Variants in MASP1 observed in about 807,000 individuals in gnomAD.
MASP1 encodes mannan-binding lectin serine protease 1.
Under a neutral mutation model 77.1 loss-of-function variants are expected in MASP1, and 59 were observed. The ratio of observed to expected loss-of-function variants is 0.77; its 90% CI spans 0.62 to 0.95. The LOEUF is 0.95. Among genes scored for constraint, MASP1 ranks in the 40% least tolerant of loss-of-function variants. The probability of loss-of-function intolerance (pLI) is 0.00; values close to 1 mark genes in which losing one functional copy is unlikely to be tolerated. For synonymous variants in MASP1, 362 were observed against 354.5 expected (o/e 1.02, Z -0.24); for missense variants, 885 against 912.9 (o/e 0.97, Z 0.39).
rs138232923 is a variant in MASP1, at chr3:187,235,565, A to T, written c.*119T>A. The stretch of plus-strand genomic sequence containing the variant: ...TCCTGGGGGCTGTCTCGGTAGGAGA[A>T]GCCACCGCTAGGTCAGTGTGTTCCA... On this transcript the variant is annotated 3_prime_UTR_variant, in exon 11 of 11. Coordinates refer to ENST00000296280, the MANE Select transcript of MASP1 (RefSeq NM_139125.4). 1.0e-5 allele frequency: 16 copies of T among 1,560,278 alleles called. No individual in the cohort carries two copies. Among genetic ancestry groups the T allele is most frequent in the Non-Finnish European group, 1.4e-5 (16 of 1,161,816 alleles).
chr3:187,263,342 T>C (rs148680888), intron 2 of MASP1: 1 of 154,108 alleles, frequency 6.5e-6, no homozygotes, highest in Non-Finnish European at 1.4e-5. Flanking sequence ...GACTTTATTT[T>C]CTTTATAGAT....
At chr3:187,251,834 T>G in intron 6 of MASP1, 82 bp from the exon 7 acceptor site, 1 of 1,020,230 alleles carries the variant, frequency 9.8e-7, no homozygotes, top group Non-Finnish European at 1.6e-6. Flanking sequence ...AAGCAAGGCC[T>G]GATGAAGGTG....
At chr3:187,219,064 C>T (rs1300350520) in exon 16 of MASP1, 1 of 152,238 alleles carries the variant, frequency 6.6e-6, no homozygotes, top group African/African-American at 2.4e-5. Flanking sequence ...TTGGCTCACA[C>T]TTTGCCTGTC....
At chr3:187,217,673 T>A (rs1711843044) in exon 16 of MASP1, 1 of 152,146 alleles carries the variant, frequency 6.6e-6, no homozygotes, top group Admixed American at 6.5e-5. Flanking sequence ...GCCCTCTGCT[T>A]CTATGGCTCT....
rs371607390 is a variant in MASP1 at position 187,268,689 on chromosome 3, T to G, written c.238-5969A>C. Reference sequence around the variant, plus strand: ...TATGGCAATGTACTTCAGGAAGAAGTAAGTCTTCAATATGTGAGCAGAACT... The same window carrying G: ...TATGGCAATGTACTTCAGGAAGAAGGAAGTCTTCAATATGTGAGCAGAACT... On this transcript the variant is annotated intron_variant, in intron 2 of 10. Transcript: ENST00000296280. Among the ~76,000 whole-genome samples, 56 of 152,302 alleles carry G rather than the reference T, an allele frequency of 3.7e-4. 3 individuals are homozygous for G. The South Asian group carries it at 0.012, about 32-fold the overall frequency.
downstream of MASP1, chr3:187,229,956 G>T (rs1712672031): frequency 6.3e-7 from 1 of 1,599,942 alleles, no homozygotes; most frequent in South Asian, 1.1e-5. Context: ...CTTGCCCACT[G>T]CCAGAGCTCC....
At chr3:187,271,468 C>T (rs1716510949) in intron 2 of MASP1, among the ~76,000 whole-genome samples, 1 of 152,074 alleles carries the variant, frequency 6.6e-6, no homozygotes, top group Non-Finnish European at 1.5e-5. Context: ...CATTAATTAT[C>T]ACATTAATCG....
rs750138695 is a variant in MASP1, at chr3:187,253,238, A to G, written c.822T>C (p.Ser274=). The part of the protein sequence containing the change: ...APEPISTQSH[S]VLILFHSDNS... ...TGTCACTATGGAACAGGATCAGGAC[A>G]CTGTGGCTCTGGGTGCTGATGGGTT... is the stretch of plus-strand genomic sequence containing the variant. Residue 274 remains serine, a synonymous_variant, in exon 6 of 11, where the codon AGT becomes AGC. Transcript: ENST00000296280. The G allele has an allele frequency of 1.1e-5, 18 of 1,614,018 alleles. No individual in the cohort carries two copies. Among genetic ancestry groups the G allele is most frequent in the Non-Finnish European group, 1.4e-5 (16 of 1,180,004 alleles).
At chr3:187,246,398 A>C in intron 8 of MASP1, 1 of 985,480 alleles carries the variant, frequency 1.0e-6, no homozygotes, top group Non-Finnish European at 1.2e-6. Flanking sequence ...ACTTGTCTTT[A>C]GTAGCCAGCC....
chr3:187,229,912 G>A (rs1407234022), downstream of MASP1: 2 of 1,614,102 alleles, frequency 1.2e-6, no homozygotes, highest in East Asian at 2.2e-5. Flanking sequence ...ATCCAAGGGA[G>A]GGAGGGAGAG....
At chr3:187,243,319 C>T (rs1438041308) in intron 9 of MASP1, 165 bp downstream of exon 9, 1 of 741,530 alleles carries the variant, frequency 1.3e-6, no homozygotes, top group African/African-American at 1.7e-5. Flanking sequence ...AACACAAGCT[C>T]ATGAAAAGTG....
intron 14 of MASP1, chr3:187,221,284 T>C: frequency 1.5e-6 from 1 of 683,864 alleles, no homozygotes. Flanking sequence ...ATGCTACAGG[T>C]GAAGGAACAG....
intron 12 of MASP1, chr3:187,226,196 T>C: frequency 1.7e-6 from 1 of 580,860 alleles, no homozygotes; most frequent in Non-Finnish European, 3.1e-6. Context: ...GTTGTGAAAC[T>C]GAAGCATAGA....
At chr3:187,271,713 C>T (rs1716534041) in intron 2 of MASP1, among the ~76,000 whole-genome samples, 1 of 152,140 alleles carries the variant, frequency 6.6e-6, no homozygotes, top group African/African-American at 2.4e-5. Context: ...CCTCTAGCTT[C>T]CACCCCATGG....
At chr3:187,229,863 C>A (rs915968697), downstream of MASP1, 3 of 1,614,056 alleles carry the variant, frequency 1.9e-6, no homozygotes, top group African/African-American at 4.0e-5. Flanking sequence ...AGATCCTGGC[C>A]ATCAGCTTCC....
Position 187,285,962 on chromosome 3 carries a change from G to A in MASP1, c.100C>T (p.Pro34Ser). ...CTGGGATAGGAGTCTGGATAACCAG[G>A]CGACTGGATCTGGCCAAACATATTG... ...LNNMFGQIQS[P>S]GYPDSYPSDS... Residue 34 changes from proline to serine, a missense_variant, in exon 2 of 11, where the codon CCT becomes TCT. Physicochemically the swap from Pro to Ser is moderately conservative, Grantham distance 74 (BLOSUM62 -1). Coordinates refer to ENST00000296280, the MANE Select transcript of MASP1 (RefSeq NM_139125.4). 6.2e-7 allele frequency: 1 copy of A among 1,614,228 alleles called. No homozygotes were observed.
chr3:187,267,504 C>T lies in MASP1; in HGVS notation c.238-4784G>A, dbSNP rs74638669. ...TTGTGCAAGTTTGAAAGGCAATAGT[C>T]ATTACTCACTGAAGGCTGTTTTGTA... On this transcript the variant is annotated intron_variant, in intron 2 of 10. Coordinates refer to ENST00000296280, the MANE Select transcript of MASP1 (RefSeq NM_139125.4). Among the ~76,000 whole-genome samples, 703 of 152,338 alleles carry T rather than the reference C, an allele frequency of 4.6e-3. 2 individuals carry two copies. Among genetic ancestry groups the T allele is most frequent in the South Asian group, 9.1e-3 (44 of 4,826 alleles).
exon 16 of MASP1, chr3:187,218,303 G>A (rs139500472): frequency 1.3e-5 from 2 of 152,490 alleles, no homozygotes; most frequent in Admixed American, 6.5e-5. Context: ...AGTTCCCACA[G>A]GAGCCACCAC....
At chr3:187,244,256 T>A (rs926235679) in intron 8 of MASP1, 2 of 159,038 alleles carry the variant, frequency 1.3e-5, no homozygotes, top group Admixed American at 5.8e-5. Flanking sequence ...TTTTCTATAA[T>A]TGTTGATGGC....
Sources: allele counts gnomAD v4.1 joint callset (sites outside exome capture counted in the v4.1 genomes callset), GRCh38; gene constraint gnomAD v4.1.1; transcripts MANE v1.5; gene names NCBI Gene and HGNC (gene_info 2026-07-23, HGNC 2026-07-21).